Variants in EHBP1 observed in about 807,000 individuals in gnomAD.
EHBP1 encodes the protein EH domain binding protein 1.
EHBP1 carries 55 observed loss-of-function variants against 144.0 expected under a neutral mutation model. That is an observed-to-expected ratio of 0.38 (90% confidence interval 0.31 to 0.48). The LOEUF is 0.48. Ranked by LOEUF, EHBP1 falls within the 20% of genes least tolerant of loss-of-function variation. The pLI is 0.98. For missense variants in EHBP1, 1,200 were observed against 1,364.2 expected (o/e 0.88, Z 1.90); for synonymous variants, 469 against 472.7 (o/e 0.99, Z 0.10).
intron 2 of EHBP1, among the ~76,000 whole-genome samples, chr2:62,738,962 C>T (rs952904324): frequency 1.3e-5 from 2 of 151,998 alleles, no homozygotes; most frequent in African/African-American, 4.8e-5. Flanking sequence ...GTTGCCTGTT[C>T]GCATTTAAGA....
At chr2:62,729,457 TAATATATA>T (rs1187706495) in intron 2 of EHBP1, among the ~76,000 whole-genome samples, 2 of 107,392 alleles carry the variant, frequency 1.9e-5, no homozygotes, top group East Asian at 2.3e-4. Flanking sequence ...AATAAATATA[TAATATATA>T]AATATATAAA....
intron 5 of EHBP1, among the ~76,000 whole-genome samples, chr2:62,802,664 CAT>C: frequency 6.6e-6 from 1 of 151,462 alleles, no homozygotes; most frequent in South Asian, 2.1e-4. Context: ...ATTACACACA[CAT>C]ATGTGTATTT....
chr2:62,894,309 C>T (rs762799426), intron 10 of EHBP1, among the ~76,000 whole-genome samples: 14 of 152,074 alleles, frequency 9.2e-5, no homozygotes, highest in Non-Finnish European at 1.9e-4. Context: ...GCCATAAGAG[C>T]ATTAATGAGC....
chr2:62,831,238 A>G, intron 7 of EHBP1, 80 bp downstream of exon 7: 1 of 1,375,394 alleles, frequency 7.3e-7, no homozygotes, highest in Non-Finnish European at 9.8e-7. Context: ...CCAGGAAAAA[A>G]CAATTCTACT....
chr2:62,725,951 G>A (rs1025048911), intron 2 of EHBP1, among the ~76,000 whole-genome samples: 2 of 152,108 alleles, frequency 1.3e-5, no homozygotes, highest in Admixed American at 6.5e-5. Flanking sequence ...CCCCTAGGGC[G>A]CTCAAGGCTT....
intron 10 of EHBP1, among the ~76,000 whole-genome samples, chr2:62,935,321 T>G (rs2056296403): frequency 8.1e-6 from 1 of 123,614 alleles, no homozygotes; most frequent in African/African-American, 3.1e-5. Context: ...AGAGCGAGAC[T>G]CCATCTCAAA....
chr2:62,747,333 C>A (rs543343236), intron 2 of EHBP1, 62 bp from the exon 3 acceptor site: 4 of 1,494,690 alleles, frequency 2.7e-6, no homozygotes, highest in African/African-American at 1.4e-5. Flanking sequence ...CTTTTAAAGG[C>A]GCTAAAATGA....
At chr2:63,043,024 C>T (rs2061737600) in intron 21 of EHBP1, among the ~76,000 whole-genome samples, 1 of 151,990 alleles carries the variant, frequency 6.6e-6, no homozygotes, top group Non-Finnish European at 1.5e-5. Flanking sequence ...ATTCATTAAA[C>T]TAGTAATCTT....
chr2:63,018,277 A>T (rs2060567686), intron 19 of EHBP1, among the ~76,000 whole-genome samples: 1 of 152,106 alleles, frequency 6.6e-6, no homozygotes, highest in South Asian at 2.1e-4. Flanking sequence ...GTCTTTCTAT[A>T]GTTTTTTTCT....
At chr2:62,814,587 A>T (rs1253290496) in intron 5 of EHBP1, among the ~76,000 whole-genome samples, 6 of 152,222 alleles carry the variant, frequency 3.9e-5, no homozygotes, top group Non-Finnish European at 8.8e-5. Flanking sequence ...GTTCTGATGG[A>T]TAAGGGCATG....
intron 2 of EHBP1, among the ~76,000 whole-genome samples, chr2:62,723,211 G>A (rs1328183553): frequency 6.6e-6 from 1 of 152,166 alleles, no homozygotes; most frequent in Admixed American, 6.5e-5. Flanking sequence ...AGGTCTTCTT[G>A]TTGAACCCTT....
chr2:62,791,810 A>G (rs2043182702), intron 5 of EHBP1, among the ~76,000 whole-genome samples: 1 of 151,998 alleles, frequency 6.6e-6, no homozygotes, highest in Admixed American at 6.6e-5. Flanking sequence ...AATATAATTT[A>G]GTCAAGAATA....
intron 19 of EHBP1, among the ~76,000 whole-genome samples, chr2:63,025,698 C>T (rs1376297362): frequency 6.6e-6 from 1 of 152,098 alleles, no homozygotes; most frequent in Admixed American, 6.6e-5. Context: ...ATTCTTCACT[C>T]TATGGGGTAT....
chr2:62,689,363 CT>C (rs1235300951), intron 1 of EHBP1, among the ~76,000 whole-genome samples: 1 of 152,168 alleles, frequency 6.6e-6, no homozygotes, highest in Admixed American at 6.5e-5. Flanking sequence ...ATTTTTTAGG[CT>C]TGGTGTGGTG....
At chr2:62,839,317 A>C (rs1276340159) in intron 7 of EHBP1, among the ~76,000 whole-genome samples, 5 of 149,172 alleles carry the variant, frequency 3.4e-5, no homozygotes, top group Non-Finnish European at 7.4e-5. Flanking sequence ...ACTCTCAATA[A>C]ATTAGGTATT....
intron 10 of EHBP1, among the ~76,000 whole-genome samples, chr2:62,904,400 G>A (rs543975320): frequency 6.6e-6 from 1 of 152,134 alleles, no homozygotes; most frequent in Non-Finnish European, 1.5e-5. Flanking sequence ...ACTCATCATA[G>A]TTTACAGTGC....
At chr2:63,000,589 C>T (rs1225228617) in intron 19 of EHBP1, among the ~76,000 whole-genome samples, 2 of 151,924 alleles carry the variant, frequency 1.3e-5, no homozygotes, top group Admixed American at 6.6e-5. Flanking sequence ...CCCAGCTACT[C>T]GGGAAGCTGA....
chr2:62,775,360 A>G (rs981719822), intron 5 of EHBP1, among the ~76,000 whole-genome samples: 1 of 152,238 alleles, frequency 6.6e-6, no homozygotes, highest in African/African-American at 2.4e-5. Flanking sequence ...TTCACATTTC[A>G]TGCAAAAGAA....
rs1018381857 is a variant in EHBP1, at chr2:62,864,991, C to T, written c.998+20C>T. On this transcript the variant is annotated intron_variant, in intron 9 of 22. Coordinates refer to ENST00000431489, the MANE Select transcript of EHBP1 (RefSeq NM_001142616.3). ...GGATGAGTAAGTACATTTCATTTTG[C>T]TGTCATCACAAGTTAGTCTCTATGT... The T allele has an allele frequency of 3.1e-6, 5 of 1,609,458 alleles. No homozygotes were observed. The highest frequency in any genetic ancestry group is 1.3e-5 in the African/African-American group (1 of 74,706).
Sources: gnomAD v4.1 joint callset for allele counts (sites outside exome capture counted in the v4.1 genomes callset) on GRCh38, gnomAD v4.1.1 for gene constraint, MANE v1.5 for transcripts, NCBI Gene and HGNC (gene_info 2026-07-23, HGNC 2026-07-21) for gene names.